The following VAT1L variants were observed in gnomAD, a reference collection of about 807,000 sequenced individuals.
The protein encoded by VAT1L is vesicle amine transport 1 like, also known as putative NADPH-dependent quinone oxidoreductase VAT1L.
A neutral mutation model predicts 44.1 loss-of-function variants in VAT1L; 34 were observed. The observed-to-expected ratio is 0.77, with a 90% confidence interval of 0.59 to 1.03. The LOEUF (loss-of-function observed/expected upper bound fraction) is 1.03. Ranked by LOEUF, VAT1L falls within the 50% of genes least tolerant of loss-of-function variation. The probability of loss-of-function intolerance (pLI) is 0.00; values close to 1 mark genes in which losing one functional copy is unlikely to be tolerated. For synonymous variants in VAT1L, 253 were observed against 202.2 expected (o/e 1.25, Z -2.13); for missense variants, 615 against 538.8 (o/e 1.14, Z -1.40).
chr16:77,963,668 G>T (rs1337895890), intron 7 of VAT1L, among the ~76,000 whole-genome samples: 1 of 151,824 alleles, frequency 6.6e-6, no homozygotes, highest in Non-Finnish European at 1.5e-5. Flanking sequence ...TGGGGGAACT[G>T]CCTGAAGTCA....
At chr16:77,911,569 G>C (rs1873266239) in intron 7 of VAT1L, among the ~76,000 whole-genome samples, 1 of 152,194 alleles carries the variant, frequency 6.6e-6, no homozygotes, top group Admixed American at 6.5e-5. Context: ...ATGGCCCTGA[G>C]CCCTCTTGCA....
At chr16:77,962,212 G>C (rs571757061) in intron 7 of VAT1L, among the ~76,000 whole-genome samples, 5 of 152,230 alleles carry the variant, frequency 3.3e-5, no homozygotes, top group Admixed American at 6.5e-5. Flanking sequence ...CTCCACCCCA[G>C]AGTCCCACCC....
intron 4 of VAT1L, among the ~76,000 whole-genome samples, chr16:77,871,913 TTC>T (rs888312236): frequency 6.6e-6 from 1 of 152,150 alleles, no homozygotes; most frequent in Non-Finnish European, 1.5e-5. Context: ...TGCGTACTCT[TTC>T]TTTTCATGCC....
chr16:77,906,908 A>C (rs2017443247), intron 7 of VAT1L, among the ~76,000 whole-genome samples: 2 of 152,208 alleles, frequency 1.3e-5, no homozygotes, highest in Admixed American at 1.3e-4. Context: ...AAAGGGGCCC[A>C]GAAGATTTAA....
At chr16:77,969,340 C>G (rs1002187046) in intron 7 of VAT1L, among the ~76,000 whole-genome samples, 7 of 151,954 alleles carry the variant, frequency 4.6e-5, no homozygotes, top group Non-Finnish European at 7.4e-5. Context: ...CAGAGTTGCT[C>G]TGGTTCAAAT....
At chr16:77,939,925 CA>C (rs2017857648) in intron 7 of VAT1L, among the ~76,000 whole-genome samples, 1 of 152,168 alleles carries the variant, frequency 6.6e-6, no homozygotes, top group South Asian at 2.1e-4. Context: ...TGATCAATTA[CA>C]GCAAATTTCT....
intron 3 of VAT1L, among the ~76,000 whole-genome samples, chr16:77,846,987 G>A (rs406888): frequency 0.58 from 88,126 of 151,962 alleles, 26,691 homozygotes; most frequent in East Asian, 0.73. Context: ...ATAGTTTTCT[G>A]TATTTTCCAG....
chr16:77,912,570 A>T (rs1419284250), intron 7 of VAT1L, among the ~76,000 whole-genome samples: 1 of 152,004 alleles, frequency 6.6e-6, no homozygotes, highest in Non-Finnish European at 1.5e-5. Context: ...TATTATTATT[A>T]TTTTTTACAA....
chr16:77,933,364 T>C (rs1244528044), intron 7 of VAT1L, among the ~76,000 whole-genome samples: 1 of 152,220 alleles, frequency 6.6e-6, no homozygotes, highest in East Asian at 1.9e-4. Flanking sequence ...TAAACAGTTG[T>C]TGTGAGGATT....
chr16:77,959,786 A>G (rs1163947475), intron 7 of VAT1L, among the ~76,000 whole-genome samples: 1 of 152,100 alleles, frequency 6.6e-6, no homozygotes, highest in African/African-American at 2.4e-5. Context: ...GGAACTAACC[A>G]CTCACGTAGG....
At position 77,892,582 on chromosome 16, in the gene VAT1L, C is replaced by G. The variant is rs936511202; in HGVS notation, c.1077+7780C>G. ...TTGGTTATAAGGGTTCATGCTTTCA[C>G]AGAATTATTCCAGGGTTTATGTGTC... On this transcript the variant is annotated intron_variant, in intron 7 of 8. Coordinates refer to ENST00000302536, the MANE Select transcript of VAT1L (RefSeq NM_020927.3). 8 of 632,642 alleles carry G rather than the reference C, an allele frequency of 1.3e-5. No homozygotes were observed. The African/African-American group carries it at 1.5e-4, about 12-fold the overall frequency. The allele number at this position is 632,642 out of a possible 1,614,324, so 39.2% of individuals were successfully genotyped here.
At position 77,867,795 on chromosome 16, in the gene VAT1L, G is replaced by C. The variant is rs575879166; in HGVS notation, c.722+4905G>C. Among the ~76,000 whole-genome samples, 3 of 151,412 alleles carry C rather than the reference G, an allele frequency of 2.0e-5. No individual in the cohort carries two copies. In the South Asian group the frequency reaches 6.3e-4, roughly 32 times the overall value. The stretch of plus-strand genomic sequence containing the variant: ...AATTGCTTGAACCCAGGAGGTGGAG[G>C]TTGCAGTGAGCCCAGATTATGCCAC... On this transcript the variant is annotated intron_variant, in intron 4 of 8. Transcript: ENST00000302536.
intron 1 of VAT1L, among the ~76,000 whole-genome samples, chr16:77,803,373 C>A (rs559271510): frequency 6.6e-6 from 1 of 151,914 alleles, no homozygotes; most frequent in Non-Finnish European, 1.5e-5. Flanking sequence ...CAAGTCTTCA[C>A]CTCCTTTTTT....
At chr16:77,949,600 T>C (rs2018015596) in intron 7 of VAT1L, among the ~76,000 whole-genome samples, 1 of 152,154 alleles carries the variant, frequency 6.6e-6, no homozygotes, top group South Asian at 2.1e-4. Flanking sequence ...CTGCCAGAGC[T>C]GGTTGCTAAA....
intron 1 of VAT1L, chr16:77,800,425 A>C (rs1279498998): frequency 6.6e-6 from 1 of 152,178 alleles, no homozygotes; most frequent in Non-Finnish European, 1.5e-5. Context: ...ACCAACATGG[A>C]TGTTAAAATC....
intron 7 of VAT1L, among the ~76,000 whole-genome samples, chr16:77,934,211 C>T (rs625108): frequency 0.49 from 73,624 of 151,522 alleles, 18,626 homozygotes; most frequent in Non-Finnish European, 0.57. Context: ...GCAGATTGGA[C>T]GTAAAGATTG....
chr16:77,906,825 C>T (rs1298437812), intron 7 of VAT1L, among the ~76,000 whole-genome samples: 1 of 152,230 alleles, frequency 6.6e-6, no homozygotes, highest in Non-Finnish European at 1.5e-5. Flanking sequence ...GCCCAAGGAA[C>T]TGCCATCTTC....
intron 6 of VAT1L, among the ~76,000 whole-genome samples, chr16:77,883,497 G>A (rs28445826): frequency 0.038 from 5,774 of 152,164 alleles, 370 homozygotes; most frequent in African/African-American, 0.13. Flanking sequence ...GGATATTTGG[G>A]GCTGGGTAAT....
At chr16:77,832,708 T>C (rs1376807189) in intron 3 of VAT1L, among the ~76,000 whole-genome samples, 1 of 152,192 alleles carries the variant, frequency 6.6e-6, no homozygotes, top group African/African-American at 2.4e-5. Context: ...GGATGAGGCA[T>C]TTCCCAGTGT....
Sources: allele counts gnomAD v4.1 joint callset (sites outside exome capture counted in the v4.1 genomes callset), GRCh38; gene constraint gnomAD v4.1.1; transcripts MANE v1.5; gene names NCBI Gene and HGNC (gene_info 2026-07-23, HGNC 2026-07-21).